The following KHDRBS2 variants were observed in gnomAD, a reference collection of about 807,000 sequenced individuals.
The protein encoded by KHDRBS2 is KH domain-containing, RNA-binding, signal transduction-associated protein 2.
In KHDRBS2, 26 loss-of-function variants were observed where a neutral mutation model predicts 44.3. The observed-to-expected ratio is 0.59, with a 90% CI of 0.43 to 0.81. KHDRBS2 has a LOEUF of 0.81. Among genes scored for constraint, KHDRBS2 ranks in the 40% least tolerant of loss-of-function variants. The pLI is 0.00. For missense variants in KHDRBS2, 476 were observed against 433.1 expected (o/e 1.10, Z -0.88); for synonymous variants, 194 against 151.1 (o/e 1.28, Z -2.08).
intron 2 of KHDRBS2, among the ~76,000 whole-genome samples, chr6:62,148,594 A>G (rs1449085832): frequency 6.6e-6 from 1 of 152,012 alleles, no homozygotes; most frequent in Non-Finnish European, 1.5e-5. Context: ...CCTAAATAAG[A>G]TAGCTATAAA....
intron 6 of KHDRBS2, among the ~76,000 whole-genome samples, chr6:61,736,048 A>T (rs1441143862): frequency 1.3e-5 from 2 of 148,740 alleles, no homozygotes; most frequent in African/African-American, 4.9e-5. Context: ...CTTTCAATCT[A>T]GAGGCTTATA....
chr6:62,194,699 G>T (rs751314406), intron 1 of KHDRBS2, among the ~76,000 whole-genome samples: 296 of 151,140 alleles, frequency 2.0e-3, no homozygotes, highest in Non-Finnish European at 4.3e-4. Context: ...TAGAGACAGG[G>T]TTTCACCATG....
chr6:61,697,338 T>G (rs1293454597), intron 7 of KHDRBS2, 85 bp from the exon 8 acceptor site: 3 of 817,632 alleles, frequency 3.7e-6, no homozygotes. Flanking sequence ...AGGCAAAATG[T>G]GTGCTGAGGT....
chr6:62,174,730 A>T (rs1820746827), intron 2 of KHDRBS2, among the ~76,000 whole-genome samples: 1 of 151,818 alleles, frequency 6.6e-6, no homozygotes, highest in Non-Finnish European at 1.5e-5. Flanking sequence ...AATTATTGGT[A>T]CAGACAGCAG....
intron 6 of KHDRBS2, among the ~76,000 whole-genome samples, chr6:61,812,415 T>C (rs1788258151): frequency 6.6e-6 from 1 of 152,078 alleles, no homozygotes; most frequent in Non-Finnish European, 1.5e-5. Context: ...ATGCCAGACC[T>C]TTCATGAGGA....
At chr6:61,958,100 C>T (rs1767821748) in intron 4 of KHDRBS2, among the ~76,000 whole-genome samples, 1 of 152,112 alleles carries the variant, frequency 6.6e-6, no homozygotes, top group Admixed American at 6.6e-5. Context: ...AGTCTCTAAT[C>T]CAGCAACTGA....
chr6:62,052,708 T>G (rs1320320933), intron 2 of KHDRBS2, among the ~76,000 whole-genome samples: 1 of 152,022 alleles, frequency 6.6e-6, no homozygotes, highest in Non-Finnish European at 1.5e-5. Flanking sequence ...TCATAAGGAA[T>G]GCAAAACCCA....
chr6:62,021,861 T>C (rs974605723), intron 3 of KHDRBS2, among the ~76,000 whole-genome samples: 15 of 151,380 alleles, frequency 9.9e-5, no homozygotes, highest in Non-Finnish European at 3.0e-5. Context: ...GAAAATTTGA[T>C]GTCTTTTTTC....
chr6:61,741,584 T>C, intron 6 of KHDRBS2, among the ~76,000 whole-genome samples: 1 of 151,860 alleles, frequency 6.6e-6, no homozygotes, highest in South Asian at 2.1e-4. Context: ...AGGTAGTGAG[T>C]ATAGGACTCA....
At chr6:61,634,276 A>AC in the KHDRBS2 span, among the ~76,000 whole-genome samples, 1 of 151,468 alleles carries the variant, frequency 6.6e-6, no homozygotes, top group Non-Finnish European at 1.5e-5. Context: ...TTAAAAAAAA[A>AC]AAAGTTGGAA....
At chr6:61,996,910 G>C (rs1052472886) in intron 3 of KHDRBS2, among the ~76,000 whole-genome samples, 1 of 151,418 alleles carries the variant, frequency 6.6e-6, no homozygotes, top group African/African-American at 2.4e-5. Context: ...AGCCTCTGGA[G>C]TAGCTGTGAT....
intron 6 of KHDRBS2, among the ~76,000 whole-genome samples, chr6:61,871,747 GC>G (rs1798692413): frequency 6.6e-6 from 1 of 152,138 alleles, no homozygotes; most frequent in East Asian, 1.9e-4. Flanking sequence ...TTCATATCCA[GC>G]CAAACTAAGC....
chr6:61,574,525 A>G, the KHDRBS2 span: 18 of 631,696 alleles, frequency 2.8e-5, no homozygotes, highest in South Asian at 4.0e-5. Context: ...ACCTCGGAGT[A>G]TAACCCAACC....
At chr6:62,065,681 C>T (rs1194978143) in intron 2 of KHDRBS2, among the ~76,000 whole-genome samples, 1 of 145,468 alleles carries the variant, frequency 6.9e-6, no homozygotes, top group Non-Finnish European at 1.5e-5. Context: ...ATACCTAATG[C>T]TAGATGACGA....
At chr6:61,901,121 TTGCTG>T (rs1803931234) in intron 5 of KHDRBS2, 118 bp downstream of exon 5, 1 of 873,886 alleles carries the variant, frequency 1.1e-6, no homozygotes, top group Non-Finnish European at 1.7e-6. Context: ...GTTATTGTTT[TTGCTG>T]TGGTGGTAGT....
chr6:61,580,443 C>G, the KHDRBS2 span, among the ~76,000 whole-genome samples: 1 of 152,130 alleles, frequency 6.6e-6, no homozygotes, highest in African/African-American at 2.4e-5. Flanking sequence ...CTGCCCTCAG[C>G]GGTTACCAAC....
the KHDRBS2 span, among the ~76,000 whole-genome samples, chr6:61,650,974 T>C: frequency 6.6e-6 from 1 of 152,152 alleles, no homozygotes; most frequent in African/African-American, 2.4e-5. Context: ...CTTCTTACTA[T>C]TTCCAATGTG....
intron 6 of KHDRBS2, among the ~76,000 whole-genome samples, chr6:61,814,725 AAAT>A (rs1788644730): frequency 6.6e-6 from 1 of 152,168 alleles, no homozygotes; most frequent in African/African-American, 2.4e-5. Flanking sequence ...GGGTGGGCAT[AAAT>A]AACACAGTGA....
chr6:61,608,852 G>C, the KHDRBS2 span, among the ~76,000 whole-genome samples: 16 of 152,236 alleles, frequency 1.1e-4, no homozygotes, highest in South Asian at 3.1e-3. Context: ...TGAGCATTTG[G>C]GTTGGTTCCA....
Sources: gnomAD v4.1 joint callset for allele counts (sites outside exome capture counted in the v4.1 genomes callset) on GRCh38, gnomAD v4.1.1 for gene constraint, MANE v1.5 for transcripts, NCBI Gene and HGNC (gene_info 2026-07-23, HGNC 2026-07-21) for gene names.